CCDC146: variants seen among roughly 807,000 people sequenced by gnomAD.
The protein encoded by CCDC146 is coiled-coil domain containing 146, also known as coiled-coil domain-containing protein 146.
CCDC146 carries 92 observed loss-of-function variants against 119.3 expected under a neutral mutation model. The observed-to-expected ratio is 0.77, with a 90% CI of 0.65 to 0.92. The LOEUF (loss-of-function observed/expected upper bound fraction) is 0.92. Among genes scored for constraint, CCDC146 ranks in the 40% least tolerant of loss-of-function variants. CCDC146 has a pLI of 0.00. For synonymous variants in CCDC146, 372 were observed against 371.8 expected, an observed-to-expected ratio of 1.00 and a Z score of -0.01; for missense variants, 1,000 against 1,103.0, an observed-to-expected ratio of 0.91 and a Z score of 1.32.
At chr7:77,203,859 C>T (rs1481287658) in intron 2 of CCDC146, among the ~76,000 whole-genome samples, 1 of 152,128 alleles carries the variant, frequency 6.6e-6, no homozygotes. Flanking sequence ...TTTAAAGTAG[C>T]AAAATTTATT....
intron 2 of CCDC146, among the ~76,000 whole-genome samples, chr7:77,186,063 C>T (rs1791662081): frequency 6.6e-6 from 1 of 152,114 alleles, no homozygotes; most frequent in Non-Finnish European, 1.5e-5. Context: ...TTAGCACAAC[C>T]ACTATGGAGA....
intron 17 of CCDC146, among the ~76,000 whole-genome samples, chr7:77,289,178 C>T (rs1420968514): frequency 2.6e-5 from 4 of 152,242 alleles, no homozygotes; most frequent in South Asian, 2.1e-4. Flanking sequence ...TTTAAATAAA[C>T]GTTGCCTTCC....
rs369662417 is a variant in CCDC146, at chr7:77,186,571, G to C, written c.156+18747G>C. On this transcript the variant is annotated intron_variant, in intron 2 of 18. Transcript: ENST00000285871. ...AAAATAATGAACGAGACCTACAATG[G>C]GGGACTACAGTCAAAAATAATTTAA... Among the ~76,000 whole-genome samples, 14 of 151,966 alleles carry C rather than the reference G, an allele frequency of 9.2e-5. No individual in the cohort carries two copies. The East Asian group carries it at 9.6e-4, about 10-fold the overall frequency.
chr7:77,292,711 A>C (rs1256204487), intron 17 of CCDC146, among the ~76,000 whole-genome samples: 2 of 151,992 alleles, frequency 1.3e-5, no homozygotes, highest in Non-Finnish European at 2.9e-5. Flanking sequence ...ATTCACCTTG[A>C]AATCCAGTAA....
intron 15 of CCDC146, among the ~76,000 whole-genome samples, chr7:77,284,647 G>A (rs941910792): frequency 6.6e-6 from 1 of 150,780 alleles, no homozygotes; most frequent in Non-Finnish European, 1.5e-5. Context: ...AAAAAAAATT[G>A]TCATTTTATT....
At chr7:77,224,563 G>A (rs1792468589) in intron 2 of CCDC146, among the ~76,000 whole-genome samples, 3 of 152,172 alleles carry the variant, frequency 2.0e-5, no homozygotes, top group Admixed American at 2.0e-4. Context: ...AGGTTCCAGG[G>A]ATTAGGACAT....
rs1298977319 is a variant in CCDC146, at chr7:77,279,040, A to G, written c.1633A>G (p.Arg545Gly). The change falls in exon 13 of 19, where the codon AGG becomes GGG. Residue 545 changes from arginine to glycine, a missense_variant. Arg to Gly is a moderately radical substitution (Grantham distance 125). Transcript: ENST00000285871. ...TCAGAAAGTAAATGAAATAAAAGAAAGGCATAAAATGTCATTAAATGAACT... is the reference window on the plus strand; with the variant it reads ...TCAGAAAGTAAATGAAATAAAAGAAGGGCATAAAATGTCATTAAATGAACT... ...AHQKVNEIKERHKMSLNELEI... is the reference protein window; with the variant it reads ...AHQKVNEIKEGHKMSLNELEI... 1.2e-6 allele frequency: 2 copies of G among 1,609,210 alleles called. No individual in the cohort carries two copies. The highest frequency in any genetic ancestry group is 2.2e-5 in the South Asian group (2 of 89,942).
intron 13 of CCDC146, among the ~76,000 whole-genome samples, chr7:77,279,535 A>G (rs768703913): frequency 3.9e-5 from 6 of 152,206 alleles, no homozygotes; most frequent in Non-Finnish European, 8.8e-5. Context: ...TTGTTAACCA[A>G]CATCCCCTGA....
intron 2 of CCDC146, among the ~76,000 whole-genome samples, chr7:77,233,460 A>G (rs1249150905): frequency 6.6e-6 from 1 of 151,448 alleles, no homozygotes; most frequent in African/African-American, 2.4e-5. Flanking sequence ...AGTCCCACCC[A>G]CCCCCTGGAT....
At chr7:77,145,601 G>T (rs1348487397) in intron 1 of CCDC146, among the ~76,000 whole-genome samples, 1 of 152,126 alleles carries the variant, frequency 6.6e-6, no homozygotes, top group Non-Finnish European at 1.5e-5. Flanking sequence ...GTGTCCCAGA[G>T]ATTCTGATAT....
Position 77,282,671 on chromosome 7 carries a change from G to A in CCDC146, c.2034G>A (p.Lys678=), listed in dbSNP as rs1176543816. Residue 678 remains lysine, a synonymous_variant, in exon 15 of 19, where the codon AAG becomes AAA. Transcript: ENST00000285871. Reference sequence around the variant, plus strand: ...TTGAAATACATCTACTGGAAGAAAAGATCCAATTCCTGAAAATGAAGATTG... The same window carrying A: ...TTGAAATACATCTACTGGAAGAAAAAATCCAATTCCTGAAAATGAAGATTG... The part of the protein sequence containing the change: ...GEIEIHLLEE[K]IQFLKMKIAE... 6.2e-7 allele frequency: 1 copy of A among 1,613,502 alleles called. No individual in the cohort carries two copies. Among genetic ancestry groups the A allele is most frequent in the Non-Finnish European group, 8.5e-7 (1 of 1,179,464 alleles).
At position 77,278,369 on chromosome 7, in the gene CCDC146, C is replaced by T. The variant is rs556848082; in HGVS notation, c.1441-383C>T. ...AGCCAATGTGAATCAGTTCAGCTAG[C>T]CAGGGAATTTTCAGATCTCTTTTAC... On this transcript the variant is annotated intron_variant, in intron 11 of 18. Transcript: ENST00000285871. Among the ~76,000 whole-genome samples the T allele has an allele frequency of 4.6e-5, 7 of 152,064 alleles. No individual in the cohort carries two copies. The South Asian group carries it at 1.5e-3, about 32-fold the overall frequency.
rs189378592 is a variant in CCDC146, at chr7:77,265,725, G to T, written c.1173+3418G>T. Among the ~76,000 whole-genome samples the T allele has an allele frequency of 2.4e-4, 37 of 152,314 alleles. 1 individual carries two copies. The highest frequency in any genetic ancestry group is 1.1e-3 in the Admixed American group (17 of 15,308). ...TCGTTTCTGCTATACCAGCCAGAAAGAAATCAATAAACTAAAAATCACATA... is the reference window on the plus strand; with the variant it reads ...TCGTTTCTGCTATACCAGCCAGAAATAAATCAATAAACTAAAAATCACATA... On this transcript the variant is annotated intron_variant, in intron 9 of 18. Coordinates refer to ENST00000285871, the MANE Select transcript of CCDC146 (RefSeq NM_020879.3).
At chr7:77,219,621 A>G (rs957078641) in intron 2 of CCDC146, among the ~76,000 whole-genome samples, 9 of 152,264 alleles carry the variant, frequency 5.9e-5, no homozygotes, top group African/African-American at 2.2e-4. Flanking sequence ...GAACTTTTAA[A>G]TGTAACACTT....
chr7:77,205,899 C>T (rs969360802), intron 2 of CCDC146, among the ~76,000 whole-genome samples: 8 of 152,156 alleles, frequency 5.3e-5, no homozygotes, highest in Non-Finnish European at 7.4e-5. Flanking sequence ...CCATTTTAAA[C>T]AGCGAAATCA....
chr7:77,210,889 AAC>A (rs1792169095), intron 2 of CCDC146, among the ~76,000 whole-genome samples: 1 of 152,224 alleles, frequency 6.6e-6, no homozygotes, highest in African/African-American at 2.4e-5. Flanking sequence ...ATCTCATGAG[AAC>A]TCACTATCAT....
intron 2 of CCDC146, among the ~76,000 whole-genome samples, chr7:77,201,785 A>G (rs991280404): frequency 6.6e-6 from 1 of 152,280 alleles, no homozygotes; most frequent in African/African-American, 2.4e-5. Context: ...AAAAATATCT[A>G]TTTAATCCCC....
chr7:77,155,294 G>T (rs1006414418), intron 1 of CCDC146, among the ~76,000 whole-genome samples: 5 of 152,036 alleles, frequency 3.3e-5, no homozygotes, highest in African/African-American at 4.8e-5. Context: ...GCTCAGCCTT[G>T]CCACCTCATG....
At chr7:77,192,720 C>T (rs1322102355) in intron 2 of CCDC146, among the ~76,000 whole-genome samples, 2 of 151,962 alleles carry the variant, frequency 1.3e-5, no homozygotes, top group Non-Finnish European at 2.9e-5. Context: ...GTCAGGAGAT[C>T]GAGACCATCC....
Sources: allele counts gnomAD v4.1 joint callset (sites outside exome capture counted in the v4.1 genomes callset), GRCh38; gene constraint gnomAD v4.1.1; transcripts MANE v1.5; gene names NCBI Gene and HGNC (gene_info 2026-07-23, HGNC 2026-07-21).